Variants in ADAMTS14 observed in about 807,000 individuals in gnomAD.
ADAMTS14 encodes the protein ADAM metallopeptidase with thrombospondin type 1 motif 14.
ADAMTS14 carries 100 observed loss-of-function variants against 128.6 expected under a neutral mutation model. The observed-to-expected ratio is 0.78, with a 90% confidence interval of 0.66 to 0.92. The LOEUF (loss-of-function observed/expected upper bound fraction) is 0.92, where lower values mean the gene tolerates loss of function less well. ADAMTS14 is among the 40% of genes least tolerant of loss of function. ADAMTS14 has a pLI of 0.00. For missense variants in ADAMTS14, 1,562 were observed against 1,658.6 expected, an observed-to-expected ratio of 0.94 and a Z score of 1.01; for synonymous variants, 665 against 653.8, an observed-to-expected ratio of 1.02 and a Z score of -0.26.
chr10:70,752,064 C>G, intron 17 of ADAMTS14, 31 bp from the exon 18 acceptor site: 1 of 1,592,790 alleles, frequency 6.3e-7, no homozygotes, highest in Non-Finnish European at 8.5e-7. Context: ...CCTGGCTGGA[C>G]TAGGCCCACG....
chr10:70,678,737 C>A (rs1839718096), intron 2 of ADAMTS14, among the ~76,000 whole-genome samples: 1 of 152,086 alleles, frequency 6.6e-6, no homozygotes, highest in South Asian at 2.1e-4. Flanking sequence ...AGCAAGCTGG[C>A]CCCTTCTCTG....
At chr10:70,679,290 A>T (rs993051226) in intron 2 of ADAMTS14, among the ~76,000 whole-genome samples, 2 of 152,056 alleles carry the variant, frequency 1.3e-5, no homozygotes, top group Non-Finnish European at 2.9e-5. Flanking sequence ...GAAATAAGGG[A>T]TGTGGGGGCG....
intron 16 of ADAMTS14, among the ~76,000 whole-genome samples, chr10:70,750,512 G>A (rs1040110054): frequency 1.3e-5 from 2 of 152,230 alleles, no homozygotes; most frequent in African/African-American, 4.8e-5. Context: ...ACCATTAGGA[G>A]TTCTGTCCAT....
At chr10:70,710,655 G>A (rs755135452) in intron 4 of ADAMTS14, among the ~76,000 whole-genome samples, 28 of 152,242 alleles carry the variant, frequency 1.8e-4, no homozygotes, top group Non-Finnish European at 1.8e-4. Context: ...CTGTCTTTGT[G>A]ACTTTGGGGG....
At chr10:70,721,691 A>G (rs959154961) in intron 4 of ADAMTS14, among the ~76,000 whole-genome samples, 1 of 151,922 alleles carries the variant, frequency 6.6e-6, no homozygotes, top group South Asian at 2.1e-4. Context: ...CTGGCCTATC[A>G]TATGTTACTC....
intron 15 of ADAMTS14, 103 bp from the exon 16 acceptor site, chr10:70,749,719 G>C: frequency 1.4e-6 from 2 of 1,398,262 alleles, no homozygotes; most frequent in Non-Finnish European, 1.9e-6. Context: ...CGGTGGACAG[G>C]AGCCCAGAAG....
At chr10:70,702,527 G>A (rs12775317) in intron 3 of ADAMTS14, 59 bp downstream of exon 3, 115,571 of 1,539,336 alleles carry the variant, frequency 0.075, 5,019 homozygotes, top group Non-Finnish European at 0.088. Context: ...AGTGTTTCCC[G>A]GTCACTTCTG....
At chr10:70,745,041 C>T (rs957041772) in intron 14 of ADAMTS14, among the ~76,000 whole-genome samples, 185 bp from the exon 15 acceptor site, 1 of 152,074 alleles carries the variant, frequency 6.6e-6, no homozygotes, top group Non-Finnish European at 1.5e-5. Context: ...ATGTCTCATT[C>T]GATCCTCCCA....
intron 3 of ADAMTS14, among the ~76,000 whole-genome samples, chr10:70,706,816 C>T (rs764086789): frequency 2.0e-5 from 3 of 152,244 alleles, no homozygotes; most frequent in Admixed American, 1.3e-4. Flanking sequence ...TTCCCTGTTA[C>T]CTGTCCTCAG....
At chr10:70,709,324 C>T in intron 4 of ADAMTS14, among the ~76,000 whole-genome samples, 1 of 152,270 alleles carries the variant, frequency 6.6e-6, no homozygotes, top group South Asian at 2.1e-4. Context: ...TGCATTGAAG[C>T]AGAGAGCCCG....
chr10:70,726,179 T>A (rs1841421098), intron 4 of ADAMTS14, among the ~76,000 whole-genome samples: 1 of 152,224 alleles, frequency 6.6e-6, no homozygotes, highest in Non-Finnish European at 1.5e-5. Flanking sequence ...GAGCTGTGAT[T>A]CTATCTCCTG....
In ADAMTS14 at chr10:70,683,721, AG is replaced by A. The variant is rs1183939417; in HGVS notation, c.522+8727del. On this transcript the variant is annotated intron_variant, in intron 2 of 21. Coordinates refer to ENST00000373207, the MANE Select transcript of ADAMTS14 (RefSeq NM_080722.4). Reference sequence around the variant, plus strand: ...GGCTGGTTCCTCCCCTGCCTGCTCCAGCCTGCTCACGTGGCTGTGCTCCGCT... The same window carrying A: ...GGCTGGTTCCTCCCCTGCCTGCTCCACCTGCTCACGTGGCTGTGCTCCGCT... Among the ~76,000 whole-genome samples the A allele has an allele frequency of 1.7e-4, 26 of 152,346 alleles. No homozygotes were observed. In the East Asian group the frequency reaches 5.0e-3, roughly 29 times the overall value.
chr10:70,729,342 G>A lies in ADAMTS14; in HGVS notation c.919G>A (p.Ala307Thr), dbSNP rs374572428. ...DESLGVHINI[A>T]LVRLIMVGYR... is the part of the protein sequence containing the mutation. ...GTCCCTGGGGGTTCATATAAATATTGCCCTCGTCCGCTTGATCATGGTTGG... is the reference window on the plus strand; with the variant it reads ...GTCCCTGGGGGTTCATATAAATATTACCCTCGTCCGCTTGATCATGGTTGG... The change falls in exon 5 of 22, where the codon GCC becomes ACC. Residue 307 changes from alanine (A) to threonine (T), a missense_variant. Physicochemically the swap from Ala to Thr is moderately conservative, Grantham distance 58. Transcript: ENST00000373207. The A allele has an allele frequency of 5.0e-6, 8 of 1,613,866 alleles. No homozygotes were observed. Among genetic ancestry groups the A allele is most frequent in the East Asian group, 2.2e-5 (1 of 44,852 alleles).
chr10:70,754,078 T>C, intron 19 of ADAMTS14, 71 bp downstream of exon 19: 1 of 1,385,078 alleles, frequency 7.2e-7, no homozygotes. Context: ...TGGTGTTCCC[T>C]GCAGGCAAGA....
At chr10:70,687,320 T>A (rs1840003813) in intron 2 of ADAMTS14, among the ~76,000 whole-genome samples, 1 of 92,548 alleles carries the variant, frequency 1.1e-5, no homozygotes, top group Non-Finnish European at 2.3e-5. Context: ...ACAGGGCGGC[T>A]GGCCGGGCGG....
At chr10:70,694,899 G>A (rs1184383390) in intron 2 of ADAMTS14, among the ~76,000 whole-genome samples, 1 of 152,158 alleles carries the variant, frequency 6.6e-6, no homozygotes, top group Non-Finnish European at 1.5e-5. Context: ...ACTTTGGAAG[G>A]GGAATTGCTG....
chr10:70,759,979 C>T (rs148698458), intron 21 of ADAMTS14, among the ~76,000 whole-genome samples: 8 of 152,316 alleles, frequency 5.3e-5, no homozygotes, highest in Non-Finnish European at 7.3e-5. Flanking sequence ...TTCTCAGATG[C>T]GCCCACACGT....
chr10:70,757,840 T>G (rs10999514), intron 19 of ADAMTS14, 122 bp from the exon 20 acceptor site: 297,612 of 1,400,312 alleles, frequency 0.21, 33,033 homozygotes, highest in Admixed American at 0.3. Context: ...GACTTGGTGC[T>G]CTCCTTTGTA....
chr10:70,739,103 G>A, intron 11 of ADAMTS14, 113 bp downstream of exon 11: 1 of 1,324,706 alleles, frequency 7.5e-7, no homozygotes, highest in South Asian at 1.5e-5. Context: ...CCTGTGGGTG[G>A]TTGTGTATGC....
Sources: allele counts gnomAD v4.1 joint callset (sites outside exome capture counted in the v4.1 genomes callset), GRCh38; gene constraint gnomAD v4.1.1; transcripts MANE v1.5; gene names NCBI Gene and HGNC (gene_info 2026-07-23, HGNC 2026-07-21).